Variants in SLC4A8 observed in about 807,000 individuals in gnomAD.
SLC4A8 encodes electroneutral sodium bicarbonate exchanger 1.
Under a neutral mutation model 125.0 loss-of-function variants are expected in SLC4A8, and 40 were observed. The ratio of observed to expected loss-of-function variants is 0.32; its 90% CI spans 0.25 to 0.42. The LOEUF (loss-of-function observed/expected upper bound fraction) is 0.42, where lower values mean the gene tolerates loss of function less well. SLC4A8 is among the 10% of genes least tolerant of loss of function. The pLI is 1.00. For synonymous variants in SLC4A8, 456 were observed against 476.0 expected, an observed-to-expected ratio of 0.96 and a Z score of 0.55; for missense variants, 863 against 1,355.1, an observed-to-expected ratio of 0.64 and a Z score of 5.70.
intron 2 of SLC4A8, among the ~76,000 whole-genome samples, chr12:51,447,857 C>T (rs1415681931): frequency 1.3e-5 from 2 of 151,916 alleles, no homozygotes; most frequent in Non-Finnish European, 2.9e-5. Context: ...GCTGGGACTA[C>T]AGGCACCCAC....
intron 6 of SLC4A8, 79 bp from the exon 7 acceptor site, chr12:51,458,480 A>G (rs1169283622): frequency 8.0e-6 from 8 of 1,005,148 alleles, no homozygotes; most frequent in African/African-American, 3.2e-5. Flanking sequence ...AGAAGGCAGA[A>G]CCAACTGATG....
intron 1 of SLC4A8, among the ~76,000 whole-genome samples, chr12:51,392,585 AAG>A (rs1180300898): frequency 6.9e-6 from 1 of 145,766 alleles, no homozygotes; most frequent in South Asian, 2.2e-4. Flanking sequence ...AAAAAAAAAA[AAG>A]AAAAAAAGAA....
chr12:51,473,580 G>C (rs770333724), intron 14 of SLC4A8, among the ~76,000 whole-genome samples: 3 of 152,192 alleles, frequency 2.0e-5, no homozygotes, highest in Non-Finnish European at 4.4e-5. Context: ...TAGAAGGCAT[G>C]CTTATTAAAT....
At chr12:51,469,092 C>G (rs774518137) in intron 11 of SLC4A8, 1 of 153,200 alleles carries the variant, frequency 6.5e-6, no homozygotes, top group Non-Finnish European at 1.5e-5. Context: ...TGCCGCATCT[C>G]CAGTACCTGG....
At chr12:51,455,466 T>C (rs1311530025) in intron 5 of SLC4A8, among the ~76,000 whole-genome samples, 1 of 152,184 alleles carries the variant, frequency 6.6e-6, no homozygotes, top group Non-Finnish European at 1.5e-5. Flanking sequence ...CTTTAAAATA[T>C]AGCATCTAGG....
intron 16 of SLC4A8, among the ~76,000 whole-genome samples, chr12:51,478,886 T>A (rs1950936896): frequency 6.6e-6 from 1 of 152,250 alleles, no homozygotes; most frequent in African/African-American, 2.4e-5. Context: ...GCCCATGGCC[T>A]GGAGACCTGG....
intron 1 of SLC4A8, among the ~76,000 whole-genome samples, chr12:51,395,559 G>A (rs577753757): frequency 6.6e-6 from 1 of 152,204 alleles, no homozygotes; most frequent in Non-Finnish European, 1.5e-5. Flanking sequence ...CTTCCACACG[G>A]TCCCTGGTGA....
At chr12:51,438,682 G>A (rs531315544) in intron 1 of SLC4A8, among the ~76,000 whole-genome samples, 10 of 152,244 alleles carry the variant, frequency 6.6e-5, no homozygotes, top group African/African-American at 2.4e-4. Context: ...GGTTCTGTTT[G>A]TAGTTTTTTG....
intron 1 of SLC4A8, among the ~76,000 whole-genome samples, chr12:51,417,383 G>T (rs1948705677): frequency 6.6e-6 from 1 of 151,342 alleles, no homozygotes; most frequent in Non-Finnish European, 1.5e-5. Context: ...GTCTTGCTCT[G>T]TTGCCCAGGT....
At chr12:51,392,504 G>C (rs1232401543) in intron 1 of SLC4A8, among the ~76,000 whole-genome samples, 1 of 150,516 alleles carries the variant, frequency 6.6e-6, no homozygotes, top group African/African-American at 2.4e-5. Flanking sequence ...ACTCGGGAGG[G>C]GGAGGTTGCA....
intron 11 of SLC4A8, among the ~76,000 whole-genome samples, chr12:51,465,753 T>C (rs761595151): frequency 6.6e-6 from 1 of 152,200 alleles, no homozygotes; most frequent in Non-Finnish European, 1.5e-5. Flanking sequence ...TTCCTCCCAT[T>C]GTAGCCCCTT....
At chr12:51,488,601 A>G in intron 17 of SLC4A8, 98 bp from the exon 18 acceptor site, 1 of 922,284 alleles carries the variant, frequency 1.1e-6, no homozygotes, top group East Asian at 2.5e-5. Context: ...AACCTCACTC[A>G]AGAATAAAAA....
intron 1 of SLC4A8, among the ~76,000 whole-genome samples, chr12:51,440,196 A>G (rs1461475700): frequency 6.6e-6 from 1 of 152,178 alleles, no homozygotes; most frequent in Non-Finnish European, 1.5e-5. Context: ...AGCACTTGCA[A>G]AATGCCAAAA....
intron 11 of SLC4A8, among the ~76,000 whole-genome samples, chr12:51,464,641 G>T (rs1022788476): frequency 6.6e-6 from 1 of 152,178 alleles, no homozygotes; most frequent in Admixed American, 6.5e-5. Flanking sequence ...AGAAGGTTCT[G>T]CTGGGTAGAG....
upstream of SLC4A8, among the ~76,000 whole-genome samples, chr12:51,421,394 C>A (rs1246234508): frequency 6.6e-6 from 1 of 152,238 alleles, no homozygotes; most frequent in Non-Finnish European, 1.5e-5. Context: ...CCCCAGATAG[C>A]AGCAGCCTTA....
chr12:51,459,898 G>GA, intron 7 of SLC4A8, 53 bp from the exon 8 acceptor site: 1 of 1,477,720 alleles, frequency 6.8e-7, no homozygotes, highest in Non-Finnish European at 9.3e-7. Context: ...ATTTAAAAAC[G>GA]ATATTTAAGG....
At chr12:51,443,689 A>C (rs555549580) in intron 2 of SLC4A8, among the ~76,000 whole-genome samples, 1 of 152,284 alleles carries the variant, frequency 6.6e-6, no homozygotes, top group East Asian at 1.9e-4. Context: ...GGTCATATTT[A>C]TAACTTCTAA....
chr12:51,460,961 C>T (rs542501985), intron 8 of SLC4A8, among the ~76,000 whole-genome samples: 1 of 152,144 alleles, frequency 6.6e-6, no homozygotes, highest in Non-Finnish European at 1.5e-5. Flanking sequence ...TCTATGGAAA[C>T]CCTAAGAAAT....
chr12:51,504,560 A>G (rs192841206), intron 23 of SLC4A8, among the ~76,000 whole-genome samples: 3 of 152,350 alleles, frequency 2.0e-5, no homozygotes, highest in Admixed American at 2.0e-4. Flanking sequence ...TCTATTCCTC[A>G]AACCAGTGCT....
Sources: gnomAD v4.1 joint callset for allele counts (sites outside exome capture counted in the v4.1 genomes callset) on GRCh38, gnomAD v4.1.1 for gene constraint, MANE v1.5 for transcripts, NCBI Gene and HGNC (gene_info 2026-07-23, HGNC 2026-07-21) for gene names.